Variants in LRRTM4 observed in about 807,000 individuals in gnomAD.
LRRTM4 encodes leucine rich repeat transmembrane neuronal 4, also known as leucine-rich repeat transmembrane neuronal protein 4.
Under a neutral mutation model 47.6 loss-of-function variants are expected in LRRTM4, and 25 were observed. The observed-to-expected ratio is 0.53, with a 90% CI of 0.38 to 0.73. The LOEUF is 0.73. Ranked by LOEUF, LRRTM4 falls within the 30% of genes least tolerant of loss-of-function variation. The pLI, the probability that LRRTM4 is intolerant of heterozygous loss-of-function variation, is 0.00. For missense variants in LRRTM4, 638 were observed against 713.4 expected (o/e 0.89, Z 1.20); for synonymous variants, 311 against 269.5 (o/e 1.15, Z -1.51).
chr2:76,801,730 A>G (rs1023231631), intron 3 of LRRTM4, among the ~76,000 whole-genome samples: 1 of 152,110 alleles, frequency 6.6e-6, no homozygotes, highest in East Asian at 1.9e-4. Flanking sequence ...TCAGCAAAAT[A>G]TCAGCAAACT....
chr2:77,352,834 A>G (rs955614877), intron 3 of LRRTM4, among the ~76,000 whole-genome samples: 24 of 152,138 alleles, frequency 1.6e-4, no homozygotes, highest in Admixed American at 5.2e-4. Flanking sequence ...AAAAAATAAC[A>G]TAAAAACTAA....
intron 3 of LRRTM4, among the ~76,000 whole-genome samples, chr2:76,949,780 T>A (rs1558757304): frequency 6.6e-6 from 1 of 151,984 alleles, no homozygotes; most frequent in Non-Finnish European, 1.5e-5. Context: ...AATCACATTA[T>A]TGATTTTGGT....
intron 3 of LRRTM4, among the ~76,000 whole-genome samples, chr2:76,803,922 C>T (rs971176487): frequency 2.6e-5 from 4 of 152,132 alleles, no homozygotes; most frequent in Admixed American, 6.6e-5. Context: ...ATGACTAGCA[C>T]GCAACAAAAA....
chr2:76,809,767 T>C (rs1407285809), intron 3 of LRRTM4, among the ~76,000 whole-genome samples: 1 of 152,178 alleles, frequency 6.6e-6, no homozygotes, highest in Non-Finnish European at 1.5e-5. Flanking sequence ...TGTATTTCTT[T>C]TCTCTGCTTT....
Position 77,362,170 on chromosome 2 carries a change from A to G in LRRTM4, c.1551+156148T>C, listed in dbSNP as rs4404296. ...GAAAGAAAGAAAGAAAGAAAGAAAG[A>G]AAGGAAGGAAGGAAGAGTTCTTAAT... On this transcript the variant is annotated intron_variant, in intron 3 of 3. Transcript: ENST00000409884. Among the ~76,000 whole-genome samples, 777 of 133,092 alleles carry G rather than the reference A, an allele frequency of 5.8e-3. 7 individuals carry two copies. The highest frequency in any genetic ancestry group is 0.021 in the East Asian group (94 of 4,406). The allele number at this position is 133,092 out of a possible 152,430, so 87.3% of individuals were successfully genotyped here. A position where few individuals can be genotyped will look rare whatever the true frequency, so the allele number is the denominator to read the frequency against.
At chr2:77,139,460 T>C (rs1409503715) in intron 3 of LRRTM4, among the ~76,000 whole-genome samples, 1 of 152,128 alleles carries the variant, frequency 6.6e-6, no homozygotes, top group Non-Finnish European at 1.5e-5. Context: ...ATTAGGTAGG[T>C]ATTGATGGGG....
chr2:77,304,697 G>T (rs1677226723), intron 3 of LRRTM4, among the ~76,000 whole-genome samples: 1 of 152,042 alleles, frequency 6.6e-6, no homozygotes, highest in Admixed American at 6.5e-5. Flanking sequence ...CATGTACTAA[G>T]CAATTAGTAT....
At chr2:77,028,013 A>G (rs1045468571) in intron 3 of LRRTM4, among the ~76,000 whole-genome samples, 7 of 152,072 alleles carry the variant, frequency 4.6e-5, no homozygotes, top group African/African-American at 1.2e-4. Context: ...CAATAATTTA[A>G]AACTATGAAA....
Position 77,194,101 on chromosome 2 carries a change from C to T in LRRTM4, c.1551+324217G>A, listed in dbSNP as rs185675053. Among the ~76,000 whole-genome samples, 339 of 152,130 alleles carry T rather than the reference C, an allele frequency of 2.2e-3. 4 individuals carry two copies. Among genetic ancestry groups the T allele is most frequent in the African/African-American group, 6.5e-3 (271 of 41,502 alleles). On this transcript the variant is annotated intron_variant, in intron 3 of 3. Coordinates refer to ENST00000409884, the MANE Select transcript of LRRTM4 (RefSeq NM_001134745.3). ...ACATAACGGAATGCTTCCCTGGGGC[C>T]GAGTGATGCTTGTGTCATAAGGGCC...
intron 3 of LRRTM4, among the ~76,000 whole-genome samples, chr2:77,477,238 G>C (rs1677437028): frequency 6.6e-6 from 1 of 152,080 alleles, no homozygotes; most frequent in South Asian, 2.1e-4. Context: ...ATCATAGAAA[G>C]TAAAAGTACA....
At chr2:77,310,549 G>A (rs144161783) in intron 3 of LRRTM4, among the ~76,000 whole-genome samples, 1 of 152,228 alleles carries the variant, frequency 6.6e-6, no homozygotes, top group East Asian at 1.9e-4. Flanking sequence ...CTGTGGGTTT[G>A]ATAACAGTTG....
chr2:76,826,750 A>T (rs3946649), intron 3 of LRRTM4, among the ~76,000 whole-genome samples: 62,555 of 151,610 alleles, frequency 0.41, 13,522 homozygotes, highest in East Asian at 0.68. Flanking sequence ...TGGGCATCAC[A>T]CTGATTCAAG....
chr2:77,187,973 AT>A (rs1377580202), intron 3 of LRRTM4, among the ~76,000 whole-genome samples: 1 of 152,126 alleles, frequency 6.6e-6, no homozygotes, highest in East Asian at 1.9e-4. Flanking sequence ...ATTGTTCTAT[AT>A]TTTGTTATCT....
chr2:77,230,099 T>A (rs1053516835), intron 3 of LRRTM4, among the ~76,000 whole-genome samples: 10 of 152,160 alleles, frequency 6.6e-5, no homozygotes, highest in African/African-American at 9.7e-5. Context: ...TAAAAGGTAC[T>A]CCCTTTGGAG....
intron 3 of LRRTM4, among the ~76,000 whole-genome samples, chr2:77,184,555 C>T (rs1329367174): frequency 6.6e-6 from 1 of 151,988 alleles, no homozygotes; most frequent in Non-Finnish European, 1.5e-5. Flanking sequence ...CTGGCAATGC[C>T]AACAATAATA....
At chr2:77,007,843 T>G (rs1238315559) in intron 3 of LRRTM4, among the ~76,000 whole-genome samples, 2 of 151,380 alleles carry the variant, frequency 1.3e-5, no homozygotes, top group African/African-American at 2.4e-5. Context: ...TGAGTACAAC[T>G]CCATAATCTA....
chr2:77,096,803 A>G (rs1013252652), intron 3 of LRRTM4, among the ~76,000 whole-genome samples: 2 of 151,776 alleles, frequency 1.3e-5, no homozygotes, highest in African/African-American at 4.8e-5. Context: ...TAAAAACACA[A>G]AAATAAAGCT....
intron 3 of LRRTM4, among the ~76,000 whole-genome samples, chr2:77,250,446 C>G (rs1268771100): frequency 2.0e-5 from 3 of 151,954 alleles, no homozygotes; most frequent in African/African-American, 7.2e-5. Context: ...AACTTCTGTC[C>G]AATTTTATAG....
chr2:77,476,016 T>G (rs1412271248), intron 3 of LRRTM4, among the ~76,000 whole-genome samples: 1 of 152,032 alleles, frequency 6.6e-6, no homozygotes, highest in Non-Finnish European at 1.5e-5. Flanking sequence ...TTTTAAGGTT[T>G]CATACACAAA....
Sources: allele counts gnomAD v4.1 joint callset (sites outside exome capture counted in the v4.1 genomes callset), GRCh38; gene constraint gnomAD v4.1.1; transcripts MANE v1.5; gene names NCBI Gene and HGNC (gene_info 2026-07-23, HGNC 2026-07-21).